Variants in PAICS observed in about 807,000 individuals in gnomAD.
PAICS encodes bifunctional phosphoribosylaminoimidazole carboxylase/phosphoribosylaminoimidazole succinocarboxamide synthetase.
A neutral mutation model predicts 53.7 loss-of-function variants in PAICS; 33 were observed. The observed-to-expected ratio is 0.61, with a 90% CI of 0.47 to 0.82. The LOEUF is 0.82. Among genes scored for constraint, PAICS ranks in the 40% least tolerant of loss-of-function variants. The pLI is 0.00. For missense variants in PAICS, 394 were observed against 494.1 expected (o/e 0.80, Z 1.92); for synonymous variants, 141 against 167.2 (o/e 0.84, Z 1.21).
chr4:56,459,974 T>C lies in PAICS; in HGVS notation c.*436T>C. 6.5e-6 allele frequency: 1 copy of C among 154,988 alleles called. No individual in the cohort carries two copies. The highest frequency in any genetic ancestry group is 6.4e-5 in the Admixed American group (1 of 15,726). 9.6% of individuals were successfully genotyped at this position (154,988 alleles called of 1,614,324 possible). A position where few individuals can be genotyped will look rare whatever the true frequency, so the allele number is the denominator to read the frequency against. On this transcript the variant is annotated 3_prime_UTR_variant, in exon 9 of 9. Coordinates refer to ENST00000512576, the MANE Select transcript of PAICS (RefSeq NM_001079524.2). Reference sequence around the variant, plus strand: ...GGCGTGATCTCAGTTCACTGCTGCTTTCCCTCCTGGGCTCAAGCAGTTCTC... The same window carrying C: ...GGCGTGATCTCAGTTCACTGCTGCTCTCCCTCCTGGGCTCAAGCAGTTCTC...
chr4:56,453,279 C>T lies in PAICS; in HGVS notation c.953-324C>T, dbSNP rs76158909. On this transcript the variant is annotated intron_variant, in intron 7 of 8. Transcript: ENST00000512576. ...CACCTGTTCAGATGGTGTCATTCTT[C>T]ACTTTGGCCAGCCTATACAGCAATA... Among the ~76,000 whole-genome samples the T allele has an allele frequency of 6.3e-3, 961 of 152,218 alleles. 7 individuals are homozygous for T. Among genetic ancestry groups the T allele is most frequent in the African/African-American group, 0.022 (908 of 41,540 alleles).
chr4:56,416,973 C>G, the PAICS span, among the ~76,000 whole-genome samples: 2 of 152,182 alleles, frequency 1.3e-5, no homozygotes, highest in Non-Finnish European at 2.9e-5. Context: ...CCTCAGCCTC[C>G]TGACTAGCTG....
At position 56,450,634 on chromosome 4, in the gene PAICS, AAAGAAGTAACTCCTG is replaced by A; in HGVS notation, c.707_721del (p.Glu236_Glu240del). On this transcript the variant is annotated inframe_deletion, in exon 6 of 9. Transcript: ENST00000512576. ...TATTTTCTAGTCTTATCGGGACCTC[AAAGAAGTAACTCCTG>A]AAGGGCTCCAAATGGTAAAGAAAAA... The A allele has an allele frequency of 6.5e-7, 1 of 1,529,796 alleles. No individual in the cohort carries two copies. The highest frequency in any genetic ancestry group is 8.9e-7 in the Non-Finnish European group (1 of 1,124,532). 94.8% of individuals were successfully genotyped at this position (1,529,796 alleles called of 1,614,324 possible). A position where few individuals can be genotyped will look rare whatever the true frequency, so the allele number is the denominator to read the frequency against.
At chr4:56,436,549 A>C in intron 1 of PAICS, 1 of 707,272 alleles carries the variant, frequency 1.4e-6, no homozygotes, top group Non-Finnish European at 2.6e-6. Flanking sequence ...AGAAATGGCC[A>C]AGGGGTGGAA....
At chr4:56,434,459 T>A (rs1226104384), upstream of PAICS, among the ~76,000 whole-genome samples, 1 of 152,208 alleles carries the variant, frequency 6.6e-6, no homozygotes, top group African/African-American at 2.4e-5. Context: ...GTTTTTCTTA[T>A]CCTAGTGTAA....
chr4:56,432,741 C>CG (rs1355785810), upstream of PAICS, among the ~76,000 whole-genome samples: 1 of 147,658 alleles, frequency 6.8e-6, no homozygotes, highest in Non-Finnish European at 1.5e-5. Context: ...GGGGAGACTG[C>CG]GCCACTGAAC....
At chr4:56,427,197 A>C in the PAICS span, among the ~76,000 whole-genome samples, 7 of 152,252 alleles carry the variant, frequency 4.6e-5, no homozygotes, top group Non-Finnish European at 8.8e-5. Flanking sequence ...GTGGATGTAT[A>C]AATATCTGCT....
chr4:56,427,924 G>A, the PAICS span, among the ~76,000 whole-genome samples: 2 of 152,172 alleles, frequency 1.3e-5, no homozygotes, highest in Admixed American at 6.5e-5. Context: ...AGAGAATACA[G>A]TAGAGAAAGA....
rs1212084179 is a variant in PAICS, at chr4:56,436,434, G to T, written c.16+106G>T. ...CTCTGTCCCGCCTCCCTGCAGCAGCGCCTCTAGGCAGCCGCGCGGGCGCAC... is the reference window on the plus strand; with the variant it reads ...CTCTGTCCCGCCTCCCTGCAGCAGCTCCTCTAGGCAGCCGCGCGGGCGCAC... On this transcript the variant is annotated intron_variant, in intron 1 of 8. Coordinates refer to ENST00000512576, the MANE Select transcript of PAICS (RefSeq NM_001079524.2). The T allele has an allele frequency of 9.2e-6, 9 of 979,846 alleles. No homozygotes were observed. In the East Asian group the frequency reaches 1.0e-4, roughly 11 times the overall value. The allele number at this position is 979,846 out of a possible 1,614,324, so 60.7% of individuals were successfully genotyped here. A position where few individuals can be genotyped will look rare whatever the true frequency, so the allele number is the denominator to read the frequency against.
At chr4:56,426,190 C>G in the PAICS span, among the ~76,000 whole-genome samples, 3 of 152,148 alleles carry the variant, frequency 2.0e-5, no homozygotes, top group African/African-American at 7.2e-5. Flanking sequence ...AACACGAGGT[C>G]AAGAGATCAA....
At chr4:56,458,372 G>C (rs1719332428) in intron 8 of PAICS, among the ~76,000 whole-genome samples, 2 of 151,808 alleles carry the variant, frequency 1.3e-5, no homozygotes, top group Admixed American at 6.6e-5. Context: ...TATTAGAGTG[G>C]AGCACTCTAC....
At chr4:56,431,475 T>C (rs2110069366), upstream of PAICS, 2 of 977,292 alleles carry the variant, frequency 2.0e-6, no homozygotes, top group East Asian at 1.1e-4. Context: ...ACAAATCAGT[T>C]TCCTCAAAGC....
At chr4:56,424,477 G>T in the PAICS span, among the ~76,000 whole-genome samples, 1 of 152,114 alleles carries the variant, frequency 6.6e-6, no homozygotes, top group South Asian at 2.1e-4. Flanking sequence ...TGCTAATGCC[G>T]ATAGATTATC....
the PAICS span, chr4:56,419,995 A>G: frequency 3.6e-5 from 35 of 985,158 alleles, no homozygotes; most frequent in Non-Finnish European, 4.2e-5. Flanking sequence ...GAATCCCAAG[A>G]TGGAGAACAT....
chr4:56,435,583 GGC>G (rs1717866899), upstream of PAICS: 3 of 1,576,184 alleles, frequency 1.9e-6, no homozygotes, highest in African/African-American at 4.0e-5. Context: ...GCTCGCGACA[GGC>G]TCTTCCTTCC....
chr4:56,435,388 C>A (rs1444275293), upstream of PAICS: 1 of 1,613,720 alleles, frequency 6.2e-7, no homozygotes, highest in Admixed American at 1.7e-5. Context: ...TGATCACATG[C>A]GGTACATCCA....
intron 3 of PAICS, among the ~76,000 whole-genome samples, chr4:56,447,917 ACTC>A (rs1718696348): frequency 6.7e-6 from 1 of 150,074 alleles, no homozygotes. Flanking sequence ...CTGCTCTTGA[ACTC>A]CTAGGCTCAA....
chr4:56,451,805 C>A, intron 6 of PAICS, 67 bp from the exon 7 acceptor site: 1 of 980,292 alleles, frequency 1.0e-6, no homozygotes, highest in Non-Finnish European at 1.4e-6. Flanking sequence ...AATTTTACTA[C>A]AAACTCTAGC....
chr4:56,448,248 G>T (rs567734314), intron 3 of PAICS, among the ~76,000 whole-genome samples, 170 bp from the exon 4 acceptor site: 1 of 151,856 alleles, frequency 6.6e-6, no homozygotes, highest in Non-Finnish European at 1.5e-5. Context: ...CTTGTGATCC[G>T]CCCACCTCAG....
Sources: gnomAD v4.1 joint callset for allele counts (sites outside exome capture counted in the v4.1 genomes callset) on GRCh38, gnomAD v4.1.1 for gene constraint, MANE v1.5 for transcripts, NCBI Gene and HGNC (gene_info 2026-07-23, HGNC 2026-07-21) for gene names.